Variants in SNN observed in about 807,000 individuals in gnomAD.
SNN encodes the protein stannin, also known as AG8_1.
Under a neutral mutation model 5.3 loss-of-function variants are expected in SNN, and 5 were observed. That is an observed-to-expected ratio of 0.94 (90% confidence interval 0.49 to 1.97). SNN has a LOEUF of 1.97. SNN is among the 30% of genes most tolerant of loss of function. The probability of loss-of-function intolerance (pLI) is 0.01; values close to 1 mark genes in which losing one functional copy is unlikely to be tolerated. For missense variants in SNN, 127 were observed against 121.6 expected (o/e 1.04, Z -0.21); for synonymous variants, 67 against 52.1 (o/e 1.29, Z -1.24).
At chr16:11,675,258 C>CTTTTTTTTTTTTTTTTTTT (rs769141223) in intron 1 of SNN, among the ~76,000 whole-genome samples, 7 of 125,312 alleles carry the variant, frequency 5.6e-5, no homozygotes, top group Non-Finnish European at 8.5e-5. Flanking sequence ...TTTTTTTTTT[C>CTTTTTTTTTTTTTTTTTTT]TTTTTTTTTT....
rs948235118 is a variant in SNN, at chr16:11,679,114, C to T, written c.*2788C>T. 5 of 1,407,628 alleles carry T rather than the reference C, an allele frequency of 3.6e-6. No homozygotes were observed. The highest frequency in any genetic ancestry group is 4.6e-5 in the Admixed American group (2 of 43,070). The allele number at this position is 1,407,628 out of a possible 1,614,324, so 87.2% of individuals were successfully genotyped here. On this transcript the variant is annotated 3_prime_UTR_variant, in exon 2 of 2. Coordinates refer to ENST00000329565, the MANE Select transcript of SNN (RefSeq NM_003498.6). The surrounding 1 kb of genome is among the most constrained non-coding windows in gnomAD (Gnocchi z 4.6). ...AGACCACTGAGAAAATCTTTATTTA[C>T]AATAAATTTCAATAAAATTTGCATA... is the stretch of plus-strand genomic sequence containing the variant.
At position 11,676,640 on chromosome 16, in the gene SNN, A is replaced by C. The variant is rs1195185226; in HGVS notation, c.*314A>C. On this transcript the variant is annotated 3_prime_UTR_variant, in exon 2 of 2. Coordinates refer to ENST00000329565, the MANE Select transcript of SNN (RefSeq NM_003498.6). ...GATGGAGCTACTACTGTAATGCGTG[A>C]ACTAACAAACCTGTGAACTGTAAAT... The C allele has an allele frequency of 4.7e-5, 17 of 361,738 alleles. No homozygotes were observed. The highest frequency in any genetic ancestry group is 8.0e-5 in the Non-Finnish European group (15 of 186,462). 22.4% of individuals were successfully genotyped at this position (361,738 alleles called of 1,614,324 possible). A position where few individuals can be genotyped will look rare whatever the true frequency, so the allele number is the denominator to read the frequency against.
intron 1 of SNN, among the ~76,000 whole-genome samples, chr16:11,670,913 C>T (rs745747858): frequency 9.9e-5 from 15 of 152,252 alleles, no homozygotes; most frequent in Non-Finnish European, 1.8e-4. Flanking sequence ...ATGGCTCTGA[C>T]GGGGTGGGGT....
In SNN at chr16:11,672,486, G is replaced by C. The variant is rs2141938160; in HGVS notation, c.-85-3489G>C. ...GCAGAGGTGGGAGCGTGGGCTCGCA[G>C]CGGAGGGTGTGGGGACGCCTGGGGA... On this transcript the variant is annotated intron_variant, in intron 1 of 1. Transcript: ENST00000329565. The surrounding 1 kb of genome is among the most constrained non-coding windows in gnomAD (Gnocchi z 6.0). 6.6e-6 allele frequency among the ~76,000 whole-genome samples: 1 copy of C among 152,364 alleles called. No individual in the cohort carries two copies. Among genetic ancestry groups the C allele is most frequent in the South Asian group, 2.1e-4 (1 of 4,828 alleles).
chr16:11,676,123 A>T lies in SNN; in HGVS notation c.64A>T (p.Ile22Phe). 6.2e-7 allele frequency: 1 copy of T among 1,614,136 alleles called. No homozygotes were observed. Residue 22 changes from isoleucine (I) to phenylalanine (F), a missense_variant, in exon 2 of 2, where the codon ATC (isoleucine) becomes TTC (phenylalanine). By Grantham distance (21) the Ile-to-Phe change is conservative (BLOSUM62 0). Transcript: ENST00000329565. ...CACAGTCATCGTCATCCTCATTGCC[A>T]TCGCGGCCCTGGGGGCCTTGATCCT... ...VVTVIVILIA[I>F]AALGALILGC... is the part of the protein sequence containing the mutation.
chr16:11,669,130 C>G (rs1043767497), intron 1 of SNN, among the ~76,000 whole-genome samples: 2 of 152,184 alleles, frequency 1.3e-5, no homozygotes, highest in Admixed American at 1.3e-4. Flanking sequence ...CTGTCGCCCC[C>G]TGGGCCGAGC....
In SNN at chr16:11,679,105, C is replaced by G. The variant is rs1015506281; in HGVS notation, c.*2779C>G. 1.4e-5 allele frequency: 19 copies of G among 1,370,638 alleles called. No homozygotes were observed. The highest frequency in any genetic ancestry group is 7.4e-5 in the African/African-American group (5 of 67,886). 84.9% of individuals were successfully genotyped at this position (1,370,638 alleles called of 1,614,324 possible). A position where few individuals can be genotyped will look rare whatever the true frequency, so the allele number is the denominator to read the frequency against. ...TGATTTTCTAGACCACTGAGAAAAT[C>G]TTTATTTACAATAAATTTCAATAAA... On this transcript the variant is annotated 3_prime_UTR_variant, in exon 2 of 2. Coordinates refer to ENST00000329565, the MANE Select transcript of SNN (RefSeq NM_003498.6). The surrounding 1 kb of genome is among the most constrained non-coding windows in gnomAD (Gnocchi z 4.6).
In SNN at chr16:11,678,912, G is replaced by T; in HGVS notation, c.*2586G>T. ...CGTATCACTGCAGAAGCAACAGTGG[G>T]GGCACAGGGAGGGAACTCTTGACAC... On this transcript the variant is annotated 3_prime_UTR_variant, in exon 2 of 2. Transcript: ENST00000329565. 4.9e-6 allele frequency: 2 copies of T among 409,020 alleles called. No individual in the cohort carries two copies. The highest frequency in any genetic ancestry group is 9.1e-6 in the Non-Finnish European group (2 of 218,750). 25.3% of individuals were successfully genotyped at this position (409,020 alleles called of 1,614,324 possible). A position where few individuals can be genotyped will look rare whatever the true frequency, so the allele number is the denominator to read the frequency against.
intron 1 of SNN, among the ~76,000 whole-genome samples, chr16:11,675,298 C>T (rs1194559541): frequency 8.1e-6 from 1 of 124,152 alleles, no homozygotes; most frequent in Non-Finnish European, 1.6e-5. Context: ...TTGCTCCTGT[C>T]GCCCAGGCTG....
At position 11,671,511 on chromosome 16, in the gene SNN, G is replaced by A. The variant is rs539206512; in HGVS notation, c.-86+2971G>A. ...CTTTTTGCTTCACCTCCCTGCGTGC[G>A]CCTCAGTTTCCTCACCTGCCAGATG... On this transcript the variant is annotated intron_variant, in intron 1 of 1. Transcript: ENST00000329565. This position sits in a 1 kb window ranked among gnomAD's most constrained non-coding sequence, Gnocchi z 4.7. Among the ~76,000 whole-genome samples, 7 of 152,192 alleles carry A rather than the reference G, an allele frequency of 4.6e-5. No individual in the cohort carries two copies. The highest frequency in any genetic ancestry group is 3.9e-4 in the East Asian group (2 of 5,180).
chr16:11,673,526 C>A (rs940566553), intron 1 of SNN, among the ~76,000 whole-genome samples: 1 of 152,188 alleles, frequency 6.6e-6, no homozygotes, highest in Admixed American at 6.5e-5. Context: ...GTGGGGGCTG[C>A]CCTGTGCACG....
At position 11,678,482 on chromosome 16, in the gene SNN, C is replaced by T. The variant is rs1031064296; in HGVS notation, c.*2156C>T. On this transcript the variant is annotated 3_prime_UTR_variant, in exon 2 of 2. Coordinates refer to ENST00000329565, the MANE Select transcript of SNN (RefSeq NM_003498.6). ...GAACTGACCAGCGCTCGATTGTCAG[C>T]CTTGGCCTGGGGTTTTGACCTTGCC... 1.2e-5 allele frequency: 2 copies of T among 167,098 alleles called. No homozygotes were observed. Among genetic ancestry groups the T allele is most frequent in the Admixed American group, 6.5e-5 (1 of 15,278 alleles). The allele number at this position is 167,098 out of a possible 1,614,324, so 10.4% of individuals were successfully genotyped here.
At position 11,677,107 on chromosome 16, in the gene SNN, G is replaced by C. The variant is rs1180506848; in HGVS notation, c.*781G>C. 1 of 167,172 alleles carries C rather than the reference G, an allele frequency of 6.0e-6. No homozygotes were observed. The highest frequency in any genetic ancestry group is 1.9e-4 in the East Asian group (1 of 5,200). The allele number at this position is 167,172 out of a possible 1,614,324, so 10.4% of individuals were successfully genotyped here. On this transcript the variant is annotated 3_prime_UTR_variant, in exon 2 of 2. Coordinates refer to ENST00000329565, the MANE Select transcript of SNN (RefSeq NM_003498.6). The surrounding 1 kb of genome is among the most constrained non-coding windows in gnomAD (Gnocchi z 4.2). ...GGAGGCTGCCAGCGTCCTTGTAGCA[G>C]AGCAGTTTCTTGCCGCTTGGGTCTT... is the stretch of plus-strand genomic sequence containing the variant.
intron 1 of SNN, among the ~76,000 whole-genome samples, chr16:11,670,795 C>T (rs2050261744): frequency 6.6e-6 from 1 of 152,172 alleles, no homozygotes; most frequent in Admixed American, 6.5e-5. Flanking sequence ...CATGGAGTGG[C>T]CTCTGGAGTG....
In SNN at chr16:11,676,394, C is replaced by T. The variant is rs2050304558; in HGVS notation, c.*68C>T. The T allele has an allele frequency of 9.2e-6, 14 of 1,516,412 alleles. No homozygotes were observed. Among genetic ancestry groups the T allele is most frequent in the South Asian group, 3.7e-5 (3 of 81,324 alleles). The allele number at this position is 1,516,412 out of a possible 1,614,324, so 93.9% of individuals were successfully genotyped here. ...AGGCGCTGGGAGGGGCAAAACCATA[C>T]GGATGCGCTGCTGTCTGAGAGGAAG... On this transcript the variant is annotated 3_prime_UTR_variant, in exon 2 of 2. Coordinates refer to ENST00000329565, the MANE Select transcript of SNN (RefSeq NM_003498.6).
Position 11,676,269 on chromosome 16 carries a change from G to A in SNN, c.210G>A (p.Pro70=), listed in dbSNP as rs762334774. ...FLLVQYSAKG[P]CVERKAKLMT... is the part of the protein sequence containing the mutation. The stretch of plus-strand genomic sequence containing the variant: ...TGGTGCAGTATTCGGCCAAGGGACC[G>A]TGCGTGGAGAGAAAGGCCAAGCTGA... Residue 70 remains proline (P), a synonymous_variant, in exon 2 of 2, where the codon CCG becomes CCA. Transcript: ENST00000329565. 104 of 1,614,222 alleles carry A rather than the reference G, an allele frequency of 6.4e-5. 1 individual carries two copies. Among genetic ancestry groups the A allele is most frequent in the East Asian group, 2.9e-4 (13 of 44,884 alleles).
intron 1 of SNN, among the ~76,000 whole-genome samples, chr16:11,673,822 G>C (rs2050281270): frequency 6.6e-6 from 1 of 152,220 alleles, no homozygotes; most frequent in African/African-American, 2.4e-5. Flanking sequence ...AGGTCATTGT[G>C]AGGACTTGGA....
In SNN at chr16:11,671,480, T is replaced by C. The variant is rs1276373367; in HGVS notation, c.-86+2940T>C. On this transcript the variant is annotated intron_variant, in intron 1 of 1. Coordinates refer to ENST00000329565, the MANE Select transcript of SNN (RefSeq NM_003498.6). This position sits in a 1 kb window ranked among gnomAD's most constrained non-coding sequence, Gnocchi z 4.7. ...CTCCCCTCTGGGCTCCCATCCTGCCTTCTGGCTTTTTGCTTCACCTCCCTG... is the reference window on the plus strand; with the variant it reads ...CTCCCCTCTGGGCTCCCATCCTGCCCTCTGGCTTTTTGCTTCACCTCCCTG... 2.0e-5 allele frequency among the ~76,000 whole-genome samples: 3 copies of C among 152,126 alleles called. No individual in the cohort carries two copies. Among genetic ancestry groups the C allele is most frequent in the Admixed American group, 2.0e-4 (3 of 15,274 alleles).
Position 11,676,137 on chromosome 16 carries a change from G to A in SNN, c.78G>A (p.Gly26=), listed in dbSNP as rs756782399. 10 of 1,614,186 alleles carry A rather than the reference G, an allele frequency of 6.2e-6. No homozygotes were observed. The highest frequency in any genetic ancestry group is 8.5e-6 in the Non-Finnish European group (10 of 1,180,018). The change falls in exon 2 of 2, where the codon GGG becomes GGA. Residue 26 remains glycine, a synonymous_variant. Coordinates refer to ENST00000329565, the MANE Select transcript of SNN (RefSeq NM_003498.6). ...IVILIAIAAL[G]ALILGCWCYL... is the part of the protein sequence containing the mutation. ...TCCTCATTGCCATCGCGGCCCTGGG[G>A]GCCTTGATCCTGGGCTGCTGGTGCT...
Sources: allele counts gnomAD v4.1 joint callset (sites outside exome capture counted in the v4.1 genomes callset), GRCh38; gene constraint gnomAD v4.1.1; non-coding constraint Gnocchi (gnomAD v3.1); transcripts MANE v1.5; gene names NCBI Gene and HGNC (gene_info 2026-07-23, HGNC 2026-07-21).